The following DLGAP3 variants were observed in gnomAD, a reference collection of about 807,000 sequenced individuals.
DLGAP3 encodes disks large-associated protein 3.
DLGAP3 carries 17 observed loss-of-function variants against 81.2 expected under a neutral mutation model. That is an observed-to-expected ratio of 0.21 (90% confidence interval 0.14 to 0.31). The LOEUF (loss-of-function observed/expected upper bound fraction) is 0.31, where lower values mean the gene tolerates loss of function less well. Among genes scored for constraint, DLGAP3 ranks in the 10% least tolerant of loss-of-function variants. The pLI is 1.00. For missense variants in DLGAP3, 1,124 were observed against 1,388.0 expected, an observed-to-expected ratio of 0.81 and a Z score of 3.02; for synonymous variants, 577 against 587.4, an observed-to-expected ratio of 0.98 and a Z score of 0.26.
chr1:34,923,968 T>A (rs993357882), intron 1 of DLGAP3, among the ~76,000 whole-genome samples: 1 of 152,086 alleles, frequency 6.6e-6, no homozygotes, highest in African/African-American at 2.4e-5. Flanking sequence ...AGGATCCCAT[T>A]TGAATATTTG....
At chr1:34,917,159 T>G (rs1639731433) in intron 1 of DLGAP3, among the ~76,000 whole-genome samples, 1 of 152,106 alleles carries the variant, frequency 6.6e-6, no homozygotes, top group South Asian at 2.1e-4. Context: ...AGACTGTTCA[T>G]TCACAAATTA....
In DLGAP3 at chr1:34,895,048, C is replaced by G. The variant is rs1330637971; in HGVS notation, c.1386+4621G>C. Among the ~76,000 whole-genome samples the G allele has an allele frequency of 6.6e-6, 1 of 152,208 alleles. No individual in the cohort carries two copies. Among genetic ancestry groups the G allele is most frequent in the African/African-American group, 2.4e-5 (1 of 41,520 alleles). On this transcript the variant is annotated intron_variant, in intron 5 of 11. Transcript: ENST00000373347. The surrounding 1 kb of genome is among the most constrained non-coding windows in gnomAD (Gnocchi z 4.5). The stretch of plus-strand genomic sequence containing the variant: ...TATACCCCATAAATATATACACCCA[C>G]AATTTGTCAATTTATAATAAAAATT...
chr1:34,885,023 C>CGGCTCCTGTTCT lies in DLGAP3; in HGVS notation c.1943_1954dup (p.Ser651_Arg652insGlnAsnArgSer), dbSNP rs1553122191. The CGGCTCCTGTTCT allele has an allele frequency of 6.2e-7, 1 of 1,613,448 alleles. No homozygotes were observed. The highest frequency in any genetic ancestry group is 1.3e-5 in the African/African-American group (1 of 74,890). On this transcript the variant is annotated inframe_insertion, in exon 8 of 12. Coordinates refer to ENST00000373347, the MANE Select transcript of DLGAP3 (RefSeq NM_001080418.3). ...CACGCCAATAGAGTGGAACTCCCTC[C>CGGCTCCTGTTCT]GGCTCCTGTTCTCGGTGTCCGAATC...
chr1:34,874,680 T>A (rs548795832), intron 8 of DLGAP3, among the ~76,000 whole-genome samples: 2 of 152,292 alleles, frequency 1.3e-5, no homozygotes, highest in African/African-American at 4.8e-5. Context: ...AGGGAGAGTT[T>A]CTACTGTGAT....
At chr1:34,922,118 C>A (rs565325223) in intron 1 of DLGAP3, among the ~76,000 whole-genome samples, 1 of 152,294 alleles carries the variant, frequency 6.6e-6, no homozygotes, top group South Asian at 2.1e-4. Flanking sequence ...ATCCTCTTTC[C>A]CCACATACAG....
chr1:34,882,199 G>A (rs955150568), intron 8 of DLGAP3, among the ~76,000 whole-genome samples: 18 of 152,272 alleles, frequency 1.2e-4, no homozygotes, highest in South Asian at 4.2e-4. Context: ...AGTAGAGGCC[G>A]GGTGTGGTAG....
chr1:34,889,783 A>G (rs1639285908), intron 5 of DLGAP3, among the ~76,000 whole-genome samples: 1 of 152,258 alleles, frequency 6.6e-6, no homozygotes, highest in Non-Finnish European at 1.5e-5. Context: ...AGAAAGCGAG[A>G]TAAGTCCCCA....
intron 5 of DLGAP3, among the ~76,000 whole-genome samples, chr1:34,894,283 A>C (rs1169253570): frequency 9.0e-5 from 13 of 144,816 alleles, no homozygotes; most frequent in African/African-American, 3.3e-4. Flanking sequence ...AAAAAAAACC[A>C]TTAGATGCTG....
rs1638911638 is a variant in DLGAP3 at position 34,867,955 on chromosome 1, AG to A, written c.2486-329del. 6.6e-6 allele frequency among the ~76,000 whole-genome samples: 1 copy of A among 152,206 alleles called. No individual in the cohort carries two copies. Among genetic ancestry groups the A allele is most frequent in the Non-Finnish European group, 1.5e-5 (1 of 68,038 alleles). On this transcript the variant is annotated intron_variant, in intron 9 of 11. Coordinates refer to ENST00000373347, the MANE Select transcript of DLGAP3 (RefSeq NM_001080418.3). The surrounding 1 kb of genome is among the most constrained non-coding windows in gnomAD (Gnocchi z 4.3). ...GCCCTATAGCCTTGGCCAGGGCATT[AG>A]CTCAATGACCACCCACTGGCTAAGC...
At chr1:34,911,381 T>G (rs563935967) in intron 1 of DLGAP3, among the ~76,000 whole-genome samples, 1 of 152,182 alleles carries the variant, frequency 6.6e-6, no homozygotes, top group South Asian at 2.1e-4. Context: ...CAGATTAGTA[T>G]AGAATAAAGG....
In DLGAP3 at chr1:34,867,344, G is replaced by A. The variant is rs1011029256; in HGVS notation, c.2578-153C>T. Among the ~76,000 whole-genome samples the A allele has an allele frequency of 6.6e-6, 1 of 152,218 alleles. No individual in the cohort carries two copies. On this transcript the variant is annotated intron_variant, in intron 10 of 11. Coordinates refer to ENST00000373347, the MANE Select transcript of DLGAP3 (RefSeq NM_001080418.3). The surrounding 1 kb of genome is among the most constrained non-coding windows in gnomAD (Gnocchi z 4.3). ...AGACAGGGGGACAAGAGCGAGCCCA[G>A]GACTCCCCTTCTTGTGCACAAACAC...
chr1:34,896,617 A>ACACACAC (rs1557480802), intron 5 of DLGAP3, among the ~76,000 whole-genome samples: 1 of 151,544 alleles, frequency 6.6e-6, no homozygotes. Flanking sequence ...ACACACACAC[A>ACACACAC]AAATCAAACT....
rs1450337713 is a variant in DLGAP3 at position 34,867,865 on chromosome 1, G to A, written c.2486-238C>T. Among the ~76,000 whole-genome samples, 1 of 152,050 alleles carries A rather than the reference G, an allele frequency of 6.6e-6. No homozygotes were observed. Among genetic ancestry groups the A allele is most frequent in the Admixed American group, 6.5e-5 (1 of 15,268 alleles). Reference sequence around the variant, plus strand: ...TTCATACAGCCTACATTTCTTGAGTGCTCATCCTTCTTTATCCTTTCTCCC... The same window carrying A: ...TTCATACAGCCTACATTTCTTGAGTACTCATCCTTCTTTATCCTTTCTCCC... On this transcript the variant is annotated intron_variant, in intron 9 of 11. Coordinates refer to ENST00000373347, the MANE Select transcript of DLGAP3 (RefSeq NM_001080418.3). This position sits in a 1 kb window ranked among gnomAD's most constrained non-coding sequence, Gnocchi z 4.3.
chr1:34,876,056 G>T (rs920201109), intron 8 of DLGAP3, among the ~76,000 whole-genome samples: 8 of 152,242 alleles, frequency 5.3e-5, no homozygotes, highest in African/African-American at 1.9e-4. Context: ...GGCAGGAGCT[G>T]TCTCTGGTTC....
intron 5 of DLGAP3, among the ~76,000 whole-genome samples, chr1:34,897,654 T>C (rs905394133): frequency 6.6e-6 from 1 of 152,066 alleles, no homozygotes; most frequent in Non-Finnish European, 1.5e-5. Flanking sequence ...AGAGCGAGTG[T>C]GATTATAGTT....
chr1:34,880,256 G>A (rs551005259), intron 8 of DLGAP3, among the ~76,000 whole-genome samples: 3 of 152,164 alleles, frequency 2.0e-5, no homozygotes, highest in East Asian at 1.9e-4. Flanking sequence ...GTCTCACTAC[G>A]TTGCCCAGGC....
chr1:34,920,672 A>C (rs1337452449), intron 1 of DLGAP3, among the ~76,000 whole-genome samples: 1 of 152,194 alleles, frequency 6.6e-6, no homozygotes, highest in Non-Finnish European at 1.5e-5. Flanking sequence ...CCTGCCTTGC[A>C]TCTTGTTCAC....
rs561775273 is a variant in DLGAP3 at position 34,905,151 on chromosome 1, G to A, written c.233C>T (p.Ala78Val). The A allele has an allele frequency of 2.5e-4, 392 of 1,569,562 alleles. 6 individuals carry two copies. The South Asian group carries it at 4.0e-3, about 16-fold the overall frequency. The change falls in exon 3 of 12, where the codon GCG (alanine) becomes GTG (valine). Residue 78 changes from alanine to valine, a missense_variant. Ala to Val is a moderately conservative substitution (Grantham distance 64, BLOSUM62 0). Transcript: ENST00000373347. ...GPSVGPEGGP[A>V]GAGVGGGSST... is the part of the protein sequence containing the mutation. Reference sequence around the variant, plus strand: ...GCTACCCCCCCCAACCCCGGCCCCCGCTGGCCCTCCCTCAGGGCCTACCGA... The same window carrying A: ...GCTACCCCCCCCAACCCCGGCCCCCACTGGCCCTCCCTCAGGGCCTACCGA...
intron 11 of DLGAP3, among the ~76,000 whole-genome samples, chr1:34,866,781 G>C (rs35035273): frequency 3.3e-5 from 5 of 151,518 alleles, no homozygotes; most frequent in East Asian, 2.0e-4. Flanking sequence ...TGCAGCCGCC[G>C]CCACCCCCCC....
Sources: gnomAD v4.1 joint callset for allele counts (sites outside exome capture counted in the v4.1 genomes callset) on GRCh38, gnomAD v4.1.1 for gene constraint, Gnocchi (gnomAD v3.1) non-coding constraint, MANE v1.5 for transcripts, NCBI Gene and HGNC (gene_info 2026-07-23, HGNC 2026-07-21) for gene names.